The following ZNF354C variants were observed in gnomAD, a reference collection of about 807,000 sequenced individuals.
ZNF354C encodes zinc finger protein 354C.
In ZNF354C, 7 loss-of-function variants were observed where a neutral mutation model predicts 12.4. The observed-to-expected ratio is 0.56, with a 90% CI of 0.32 to 1.06. The LOEUF is 1.06. Ranked by LOEUF, ZNF354C falls within the 50% of genes least tolerant of loss-of-function variation. The pLI, the probability that ZNF354C is intolerant of heterozygous loss-of-function variation, is 0.04. For synonymous variants in ZNF354C, 202 were observed against 224.5 expected (o/e 0.90, Z 0.90); for missense variants, 609 against 658.0 (o/e 0.93, Z 0.81).
intron 2 of ZNF354C, among the ~76,000 whole-genome samples, chr5:179,069,844 C>A (rs578116853): frequency 3.9e-5 from 6 of 152,066 alleles, no homozygotes; most frequent in Non-Finnish European, 5.9e-5. Flanking sequence ...CCAGCCTGGG[C>A]GACAGAGCAA....
Position 179,060,801 on chromosome 5 carries a change from C to G in ZNF354C, c.-55+135C>G, listed in dbSNP as rs1761878295. 1 of 152,286 alleles carries G rather than the reference C, an allele frequency of 6.6e-6. No homozygotes were observed. Among genetic ancestry groups the G allele is most frequent in the South Asian group, 2.1e-4 (1 of 4,834 alleles). The allele number at this position is 152,286 out of a possible 1,614,324, so 9.4% of individuals were successfully genotyped here. A position where few individuals can be genotyped will look rare whatever the true frequency, so the allele number is the denominator to read the frequency against. ...CAATAGCTGATGCCCGCCGAGAGCG[C>G]TCGGGTGCCAGGCACCAGACTAGCG... On this transcript the variant is annotated intron_variant, in intron 1 of 4. Transcript: ENST00000315475. The surrounding 1 kb of genome is among the most constrained non-coding windows in gnomAD (Gnocchi z 4.2).
Position 179,079,425 on chromosome 5 carries a change from C to G in ZNF354C, c.993C>G (p.Gly331=). The stretch of plus-strand genomic sequence containing the variant: ...CTGGAGAGAAACTCTATAAATGCGG[C>G]GAATGTGAGAAGGCCTTCAACTGTA... ...IHTGEKLYKC[G]ECEKAFNCRA... The change falls in exon 5 of 5, where the codon GGC becomes GGG. Residue 331 remains glycine, a synonymous_variant. Coordinates refer to ENST00000315475, the MANE Select transcript of ZNF354C (RefSeq NM_014594.3). The surrounding 1 kb of genome is among the most constrained non-coding windows in gnomAD (Gnocchi z 4.2). The G allele has an allele frequency of 6.2e-7, 1 of 1,613,398 alleles. No homozygotes were observed. Among genetic ancestry groups the G allele is most frequent in the Non-Finnish European group, 8.5e-7 (1 of 1,179,854 alleles).
At position 179,083,218 on chromosome 5, in the gene ZNF354C, A is replaced by C. The variant is rs554328777; in HGVS notation, c.*3121A>C. ...GCTTCTGATTCATAAAAAAACCTAT[A>C]AGAGACATTTGGGGGGATATTTGGG... On this transcript the variant is annotated 3_prime_UTR_variant, in exon 5 of 5. Transcript: ENST00000315475. The C allele has an allele frequency of 2.2e-4, 64 of 287,790 alleles. No homozygotes were observed. The South Asian group carries it at 5.6e-3, about 25-fold the overall frequency. 17.8% of individuals were successfully genotyped at this position (287,790 alleles called of 1,614,324 possible).
At chr5:179,071,367 ATTTT>A (rs35793705) in intron 2 of ZNF354C, among the ~76,000 whole-genome samples, 17 of 131,530 alleles carry the variant, frequency 1.3e-4, no homozygotes, top group African/African-American at 4.5e-4. Flanking sequence ...TGCCAGGCTC[ATTTT>A]TTTTTTTTTT....
chr5:179,061,883 C>G (rs1761898861), intron 1 of ZNF354C, 132 bp from the exon 2 acceptor site: 2 of 681,484 alleles, frequency 2.9e-6, no homozygotes, highest in Admixed American at 2.3e-5. Context: ...CTAGTAAACA[C>G]TCTTCTTGCT....
intron 2 of ZNF354C, among the ~76,000 whole-genome samples, chr5:179,072,477 G>A (rs1762064285): frequency 6.6e-6 from 1 of 152,112 alleles, no homozygotes. Flanking sequence ...TCTAGAAGGA[G>A]AGGGGACAAA....
intron 2 of ZNF354C, among the ~76,000 whole-genome samples, chr5:179,064,311 G>C (rs956229167): frequency 7.2e-5 from 11 of 151,954 alleles, no homozygotes; most frequent in Non-Finnish European, 4.4e-5. Context: ...GTGCGATCTC[G>C]GCTCACTGCA....
intron 1 of ZNF354C, 105 bp from the exon 2 acceptor site, chr5:179,061,910 G>A: frequency 1.3e-6 from 1 of 766,822 alleles, no homozygotes; most frequent in South Asian, 1.5e-5. Context: ...CATTACGGGG[G>A]GTGGCTTTTT....
Position 179,081,499 on chromosome 5 carries a change from T to A in ZNF354C, c.*1402T>A, listed in dbSNP as rs891529475. ...CAGTTGGTATCATTAAAAAAAATTC[T>A]AATACAATTAGCTAGACCTTCTGAG... On this transcript the variant is annotated 3_prime_UTR_variant, in exon 5 of 5. Coordinates refer to ENST00000315475, the MANE Select transcript of ZNF354C (RefSeq NM_014594.3). 6.6e-6 allele frequency: 1 copy of A among 152,198 alleles called. No individual in the cohort carries two copies. The highest frequency in any genetic ancestry group is 2.4e-5 in the African/African-American group (1 of 41,446). The allele number at this position is 152,198 out of a possible 1,614,324, so 9.4% of individuals were successfully genotyped here.
chr5:179,076,164 T>C (rs1351236022), intron 2 of ZNF354C, among the ~76,000 whole-genome samples: 1 of 152,220 alleles, frequency 6.6e-6, no homozygotes, highest in Non-Finnish European at 1.5e-5. Flanking sequence ...CGCCTTCTCT[T>C]GAGAAAGATC....
rs1037062907 is a variant in ZNF354C, at chr5:179,083,911, A to G, written c.*3814A>G. Among the ~76,000 whole-genome samples the G allele has an allele frequency of 1.3e-5, 2 of 150,122 alleles. No individual in the cohort carries two copies. The highest frequency in any genetic ancestry group is 4.9e-5 in the African/African-American group (2 of 40,636). On this transcript the variant is annotated 3_prime_UTR_variant, in exon 5 of 5. Coordinates refer to ENST00000315475, the MANE Select transcript of ZNF354C (RefSeq NM_014594.3). ...CTCTGGGCAGAGGATTTGTGAGCCA[A>G]AAAGGGTTAGGAGACTCCCCATTGC...
chr5:179,067,223 G>A (rs1451870120), intron 2 of ZNF354C, among the ~76,000 whole-genome samples: 3 of 152,150 alleles, frequency 2.0e-5, no homozygotes, highest in East Asian at 3.9e-4. Flanking sequence ...CACATGTCAG[G>A]TAGTTGATGC....
Position 179,079,424 on chromosome 5 carries a change from G to A in ZNF354C, c.992G>A (p.Gly331Asp). 1 of 1,613,410 alleles carries A rather than the reference G, an allele frequency of 6.2e-7. No homozygotes were observed. The highest frequency in any genetic ancestry group is 8.5e-7 in the Non-Finnish European group (1 of 1,179,850). The change falls in exon 5 of 5, where the codon GGC becomes GAC. Residue 331 changes from glycine (G) to aspartate (D), a missense_variant. Transcript: ENST00000315475. This position sits in a 1 kb window ranked among gnomAD's most constrained non-coding sequence, Gnocchi z 4.2. ...ACTGGAGAGAAACTCTATAAATGCG[G>A]CGAATGTGAGAAGGCCTTCAACTGT... Reference protein sequence around the residue: ...IHTGEKLYKCGECEKAFNCRA... With the variant: ...IHTGEKLYKCDECEKAFNCRA...
intron 2 of ZNF354C, among the ~76,000 whole-genome samples, chr5:179,071,366 C>CTT (rs1762049051): frequency 7.3e-6 from 1 of 137,898 alleles, no homozygotes; most frequent in East Asian, 2.5e-4. Flanking sequence ...TTGCCAGGCT[C>CTT]ATTTTTTTTT....
At chr5:179,076,383 T>C in intron 2 of ZNF354C, 62 bp from the exon 3 acceptor site, 1 of 1,608,676 alleles carries the variant, frequency 6.2e-7, no homozygotes. Context: ...TGTCACTTTC[T>C]TCCTGCATTT....
At position 179,080,904 on chromosome 5, in the gene ZNF354C, T is replaced by C. The variant is rs959148048; in HGVS notation, c.*807T>C. On this transcript the variant is annotated 3_prime_UTR_variant, in exon 5 of 5. Coordinates refer to ENST00000315475, the MANE Select transcript of ZNF354C (RefSeq NM_014594.3). Reference sequence around the variant, plus strand: ...GTTATCTGTTGCAGAAGGGATGTATTTGGCAGAATCTCAGGCTGCATGTCT... The same window carrying C: ...GTTATCTGTTGCAGAAGGGATGTATCTGGCAGAATCTCAGGCTGCATGTCT... 19 of 152,194 alleles carry C rather than the reference T, an allele frequency of 1.2e-4. No individual in the cohort carries two copies. The highest frequency in any genetic ancestry group is 2.6e-4 in the Non-Finnish European group (18 of 68,032). The allele number at this position is 152,194 out of a possible 1,614,324, so 9.4% of individuals were successfully genotyped here.
chr5:179,070,313 C>T (rs147202229), intron 2 of ZNF354C, among the ~76,000 whole-genome samples: 59 of 152,266 alleles, frequency 3.9e-4, no homozygotes, highest in African/African-American at 1.4e-3. Flanking sequence ...GAAACCTGTC[C>T]CTGGTGCCAA....
rs1168159972 is a variant in ZNF354C, at chr5:179,062,098, G to T, written c.27+3G>T. On this transcript the variant is annotated splice_donor_region_variant and intron_variant, in intron 2 of 4. Transcript: ENST00000315475. ...CTGTGGATCTGCTGTCTGCTCAGGT[G>T]AGAGTGAGTGAAGGTTGTCTTTTTC... 1 of 1,614,172 alleles carries T rather than the reference G, an allele frequency of 6.2e-7. No individual in the cohort carries two copies. Among genetic ancestry groups the T allele is most frequent in the South Asian group, 1.1e-5 (1 of 91,078 alleles).
At chr5:179,076,710 C>T in intron 3 of ZNF354C, 139 bp downstream of exon 3, 2 of 1,137,736 alleles carry the variant, frequency 1.8e-6, no homozygotes, top group Non-Finnish European at 2.5e-6. Context: ...AAGTGTACAT[C>T]TTTGTTGTGA....
Sources: gnomAD v4.1 joint callset for allele counts (sites outside exome capture counted in the v4.1 genomes callset) on GRCh38, gnomAD v4.1.1 for gene constraint, Gnocchi (gnomAD v3.1) non-coding constraint, MANE v1.5 for transcripts, NCBI Gene and HGNC (gene_info 2026-07-23, HGNC 2026-07-21) for gene names.